Variants in FGGY observed in about 807,000 individuals in gnomAD.
The protein encoded by FGGY is FGGY carbohydrate kinase domain containing.
A neutral mutation model predicts 71.3 loss-of-function variants in FGGY; 72 were observed. The ratio of observed to expected loss-of-function variants is 1.01; its 90% confidence interval spans 0.84 to 1.23. The LOEUF (loss-of-function observed/expected upper bound fraction) is 1.23. Among genes scored for constraint, FGGY ranks in the 50% most tolerant of loss-of-function variants. The pLI is 0.00. For missense variants in FGGY, 668 were observed against 682.3 expected (o/e 0.98, Z 0.23); for synonymous variants, 251 against 250.3 (o/e 1.00, Z -0.02).
intron 10 of FGGY, among the ~76,000 whole-genome samples, chr1:59,632,702 A>G (rs1463137231): frequency 2.0e-5 from 3 of 152,226 alleles, no homozygotes; most frequent in African/African-American, 7.2e-5. Context: ...AATGAGGATT[A>G]TTGGGAGCTC....
intron 11 of FGGY, among the ~76,000 whole-genome samples, chr1:59,646,603 C>T (rs991315473): frequency 6.6e-6 from 1 of 151,782 alleles, no homozygotes; most frequent in East Asian, 1.9e-4. Context: ...AATTCGCCAG[C>T]TGGTATTGTG....
At chr1:59,324,592 G>A (rs2047048125) in intron 2 of FGGY, among the ~76,000 whole-genome samples, 1 of 152,104 alleles carries the variant, frequency 6.6e-6, no homozygotes, top group African/African-American at 2.4e-5. Context: ...TACTTTTTAA[G>A]GTAGTTTTGA....
chr1:59,413,279 T>C (rs1311124527), intron 5 of FGGY, among the ~76,000 whole-genome samples: 2 of 152,228 alleles, frequency 1.3e-5, no homozygotes, highest in Non-Finnish European at 2.9e-5. Context: ...CTAGGAGCAC[T>C]CTGAGGGCAG....
At chr1:59,638,753 G>A (rs2096988401) in intron 11 of FGGY, among the ~76,000 whole-genome samples, 1 of 152,222 alleles carries the variant, frequency 6.6e-6, no homozygotes, top group Non-Finnish European at 1.5e-5. Context: ...GGTCTTGCTG[G>A]CCACAGCCAC....
At chr1:59,674,754 A>T (rs753513683) in intron 14 of FGGY, among the ~76,000 whole-genome samples, 1 of 152,164 alleles carries the variant, frequency 6.6e-6, no homozygotes, top group African/African-American at 2.4e-5. Flanking sequence ...GGTGAGAGGG[A>T]AAACTTTTCC....
At position 59,613,847 on chromosome 1, in the gene FGGY, C is replaced by A. The variant is rs537348664; in HGVS notation, c.1011+5937C>A. Among the ~76,000 whole-genome samples, 1,128 of 152,234 alleles carry A rather than the reference C, an allele frequency of 7.4e-3. 21 individuals are homozygous for A. The highest frequency in any genetic ancestry group is 0.026 in the African/African-American group (1,070 of 41,508). ...ACCGATCCCATAGAAATACAAACTA[C>A]CATCAGAGAATACTATAAACACCTC... On this transcript the variant is annotated intron_variant, in intron 9 of 15. Coordinates refer to ENST00000303721, the MANE Select transcript of FGGY (RefSeq NM_018291.5).
At chr1:59,487,674 C>T (rs2093695687) in intron 6 of FGGY, among the ~76,000 whole-genome samples, 1 of 151,842 alleles carries the variant, frequency 6.6e-6, no homozygotes, top group Non-Finnish European at 1.5e-5. Flanking sequence ...GATACAGAAA[C>T]CCCTGAAACT....
intron 14 of FGGY, among the ~76,000 whole-genome samples, chr1:59,752,793 A>G (rs1477894869): frequency 2.0e-5 from 3 of 152,148 alleles, no homozygotes; most frequent in East Asian, 3.9e-4. Flanking sequence ...TTAGTATCTC[A>G]GCCTCGACAC....
chr1:59,576,673 G>GACACACACACACAC (rs757918588), intron 8 of FGGY, among the ~76,000 whole-genome samples: 2 of 132,290 alleles, frequency 1.5e-5, no homozygotes, highest in African/African-American at 5.8e-5. Context: ...CAGACAGACA[G>GACACACACACACAC]ACAGACACAC....
At chr1:59,420,339 AG>A (rs2065198317) in intron 5 of FGGY, among the ~76,000 whole-genome samples, 1 of 152,236 alleles carries the variant, frequency 6.6e-6, no homozygotes, top group South Asian at 2.1e-4. Context: ...TGATAACATT[AG>A]AAAAGACTGA....
At chr1:59,376,440 T>C (rs1242056699) in intron 4 of FGGY, among the ~76,000 whole-genome samples, 1 of 152,162 alleles carries the variant, frequency 6.6e-6, no homozygotes, top group Non-Finnish European at 1.5e-5. Flanking sequence ...TGTAAATAGA[T>C]GTTGGTGTTT....
chr1:59,684,200 TAC>T (rs2097527396), intron 14 of FGGY, among the ~76,000 whole-genome samples: 3 of 152,318 alleles, frequency 2.0e-5, no homozygotes, highest in Admixed American at 1.3e-4. Context: ...CACAGATGGA[TAC>T]AGTTATGAAA....
intron 8 of FGGY, among the ~76,000 whole-genome samples, chr1:59,570,488 CT>C (rs2095966151): frequency 6.6e-6 from 1 of 152,156 alleles, no homozygotes; most frequent in Non-Finnish European, 1.5e-5. Flanking sequence ...CTTGGTAGGT[CT>C]GGGTAAGACA....
rs552765905 is a variant in FGGY at position 59,715,600 on chromosome 1, C to T, written c.1512+41467C>T. On this transcript the variant is annotated intron_variant, in intron 14 of 15. Transcript: ENST00000303721. ...GCCTGTGCTCTAAGTCTGACTCTGCCACTATGAGATGTCAGATCTTGGAGA... is the reference window on the plus strand; with the variant it reads ...GCCTGTGCTCTAAGTCTGACTCTGCTACTATGAGATGTCAGATCTTGGAGA... 8.5e-5 allele frequency among the ~76,000 whole-genome samples: 13 copies of T among 152,298 alleles called. No individual in the cohort carries two copies. In the South Asian group the frequency reaches 2.3e-3, roughly 27 times the overall value.
chr1:59,636,958 C>G (rs577189823), intron 10 of FGGY, among the ~76,000 whole-genome samples: 1 of 152,270 alleles, frequency 6.6e-6, no homozygotes, highest in African/African-American at 2.4e-5. Flanking sequence ...AAAGAGACTT[C>G]CAAGGACCCC....
At chr1:59,512,249 C>T in intron 6 of FGGY, 62 bp from the exon 7 acceptor site, 1 of 1,510,668 alleles carries the variant, frequency 6.6e-7, no homozygotes, top group South Asian at 1.3e-5. Flanking sequence ...TTAAAAAAAA[C>T]CCTCTGTTTA....
At chr1:59,555,845 C>CA in intron 8 of FGGY, among the ~76,000 whole-genome samples, 1 of 152,136 alleles carries the variant, frequency 6.6e-6, no homozygotes, top group South Asian at 2.1e-4. Context: ...ACTACAAATA[C>CA]AAAAAATTAG....
chr1:59,759,362 G>A (rs1212962163), intron 15 of FGGY, among the ~76,000 whole-genome samples: 1 of 152,180 alleles, frequency 6.6e-6, no homozygotes, highest in Non-Finnish European at 1.5e-5. Flanking sequence ...CTCCATGCAG[G>A]AAGGTGGAGA....
chr1:59,498,804 G>A (rs74331600), intron 6 of FGGY, among the ~76,000 whole-genome samples: 57 of 152,208 alleles, frequency 3.7e-4, no homozygotes, highest in African/African-American at 1.1e-3. Context: ...CGATTTCCAC[G>A]TCAACATGAG....
Sources: gnomAD v4.1 joint callset for allele counts (sites outside exome capture counted in the v4.1 genomes callset) on GRCh38, gnomAD v4.1.1 for gene constraint, MANE v1.5 for transcripts, NCBI Gene and HGNC (gene_info 2026-07-23, HGNC 2026-07-21) for gene names.